CPNE4: variants seen among roughly 807,000 people sequenced by gnomAD.
CPNE4 encodes copine 4.
Under a neutral mutation model 67.9 loss-of-function variants are expected in CPNE4, and 25 were observed. The observed-to-expected ratio is 0.37, with a 90% CI of 0.27 to 0.51. The LOEUF is 0.51. Ranked by LOEUF, CPNE4 falls within the 20% of genes least tolerant of loss-of-function variation. The pLI, the probability that CPNE4 is intolerant of heterozygous loss-of-function variation, is 0.93. For missense variants in CPNE4, 464 were observed against 690.8 expected (o/e 0.67, Z 3.68); for synonymous variants, 242 against 244.9 (o/e 0.99, Z 0.11).
At chr3:131,781,808 A>G (rs2083437955) in intron 2 of CPNE4, among the ~76,000 whole-genome samples, 2 of 152,086 alleles carry the variant, frequency 1.3e-5, no homozygotes, top group African/African-American at 4.8e-5. Context: ...TTCCTTGAGT[A>G]AGTGGCTTCA....
chr3:131,730,004 C>G (rs1043118657), intron 2 of CPNE4, among the ~76,000 whole-genome samples: 11 of 152,188 alleles, frequency 7.2e-5, no homozygotes, highest in Non-Finnish European at 1.6e-4. Flanking sequence ...TCAAGCCTTA[C>G]CCTCATCAAC....
intron 14 of CPNE4, among the ~76,000 whole-genome samples, chr3:131,545,490 A>G (rs116494674): frequency 9.3e-4 from 142 of 152,318 alleles, no homozygotes; most frequent in Non-Finnish European, 1.8e-3. Context: ...TCAAATTAAT[A>G]TTAGTTCTAC....
intron 7 of CPNE4, among the ~76,000 whole-genome samples, chr3:131,653,399 C>T (rs759364074): frequency 1.3e-5 from 2 of 152,026 alleles, no homozygotes; most frequent in Non-Finnish European, 2.9e-5. Flanking sequence ...CTGCCCGCCT[C>T]GGCCTCCCAA....
intron 2 of CPNE4, among the ~76,000 whole-genome samples, chr3:131,814,356 C>T (rs1344886778): frequency 6.6e-6 from 1 of 151,976 alleles, no homozygotes; most frequent in Non-Finnish European, 1.5e-5. Context: ...GAAAACAGCA[C>T]TCTAGAGGGT....
intron 1 of CPNE4, among the ~76,000 whole-genome samples, chr3:132,007,286 A>T (rs1037010582): frequency 6.6e-6 from 1 of 152,146 alleles, no homozygotes; most frequent in African/African-American, 2.4e-5. Context: ...ATTTAGTTCA[A>T]AGATGAGACG....
At chr3:131,776,622 G>A (rs1336227158) in intron 2 of CPNE4, among the ~76,000 whole-genome samples, 2 of 152,150 alleles carry the variant, frequency 1.3e-5, no homozygotes, top group Non-Finnish European at 2.9e-5. Context: ...TAGCGATAAA[G>A]CAGATGACAA....
At chr3:131,997,926 C>G (rs2073336543) in intron 1 of CPNE4, among the ~76,000 whole-genome samples, 1 of 152,088 alleles carries the variant, frequency 6.6e-6, no homozygotes, top group Admixed American at 6.6e-5. Flanking sequence ...TTATAATTGC[C>G]TGCTTCCATG....
chr3:131,789,035 CAGAGAGAGAG>C (rs71136414), intron 2 of CPNE4, among the ~76,000 whole-genome samples: 2 of 137,404 alleles, frequency 1.5e-5, no homozygotes, highest in South Asian at 4.7e-4. Context: ...CACACACACA[CAGAGAGAGAG>C]AGAGAGAGAG....
intron 7 of CPNE4, among the ~76,000 whole-genome samples, chr3:131,618,535 C>T (rs1940288955): frequency 6.6e-6 from 1 of 152,100 alleles, no homozygotes; most frequent in Non-Finnish European, 1.5e-5. Context: ...AGTTTTCTAC[C>T]TGTATGTTCC....
At chr3:131,917,149 C>G (rs1342734572) in intron 1 of CPNE4, among the ~76,000 whole-genome samples, 1 of 152,154 alleles carries the variant, frequency 6.6e-6, no homozygotes, top group Non-Finnish European at 1.5e-5. Flanking sequence ...GAGGAAAGAC[C>G]TTGGGGACAA....
chr3:131,726,436 A>C (rs2082000844), intron 2 of CPNE4, among the ~76,000 whole-genome samples: 1 of 152,182 alleles, frequency 6.6e-6, no homozygotes, highest in Non-Finnish European at 1.5e-5. Flanking sequence ...ATAATCAGAA[A>C]GCCACTAAGA....
intron 6 of CPNE4, among the ~76,000 whole-genome samples, chr3:131,676,364 TTTTA>T (rs552816286): frequency 1.3e-3 from 196 of 152,156 alleles, no homozygotes; most frequent in African/African-American, 3.6e-3. Context: ...TGGCCCATTA[TTTTA>T]TTTATTTATT....
At chr3:131,554,871 A>G (rs761600803) in intron 12 of CPNE4, among the ~76,000 whole-genome samples, 53 of 152,098 alleles carry the variant, frequency 3.5e-4, no homozygotes, top group Non-Finnish European at 6.5e-4. Context: ...AATGTTCTAC[A>G]GGAGCATCTA....
At chr3:131,593,853 A>G (rs1176309233) in intron 7 of CPNE4, among the ~76,000 whole-genome samples, 2 of 152,098 alleles carry the variant, frequency 1.3e-5, no homozygotes, top group Non-Finnish European at 2.9e-5. Context: ...CTGGGACTAC[A>G]GGCGCACACC....
In CPNE4 at chr3:131,823,462, C is replaced by T. The variant is rs115354161; in HGVS notation, c.180+81802G>A. Among the ~76,000 whole-genome samples, 698 of 152,318 alleles carry T rather than the reference C, an allele frequency of 4.6e-3. 4 individuals carry two copies. Among genetic ancestry groups the T allele is most frequent in the Middle Eastern group, 0.017 (5 of 294 alleles). ...GAAATCAGCCTCTTGGAGACTGTCA[C>T]ATCCCATCACCACAAGTTGATGGGA... On this transcript the variant is annotated intron_variant, in intron 2 of 15. Coordinates refer to ENST00000429747, the MANE Select transcript of CPNE4 (RefSeq NM_130808.3).
intron 11 of CPNE4, among the ~76,000 whole-genome samples, chr3:131,558,091 C>CACTGCTATGTA (rs1936563293): frequency 6.6e-6 from 1 of 151,926 alleles, no homozygotes; most frequent in African/African-American, 2.4e-5. Context: ...GAGCATGATG[C>CACTGCTATGTA]ACTGCTATGT....
chr3:131,594,901 G>T (rs1174447371), intron 7 of CPNE4, among the ~76,000 whole-genome samples: 1 of 152,078 alleles, frequency 6.6e-6, no homozygotes, highest in Non-Finnish European at 1.5e-5. Flanking sequence ...ATAAGACTTG[G>T]ATAGGCATTT....
intron 10 of CPNE4, among the ~76,000 whole-genome samples, chr3:131,572,490 C>T (rs1354557269): frequency 6.6e-6 from 1 of 151,998 alleles, no homozygotes; most frequent in Non-Finnish European, 1.5e-5. Flanking sequence ...ATTCTTTGAT[C>T]TCTGATGGCT....
intron 2 of CPNE4, among the ~76,000 whole-genome samples, chr3:131,843,022 G>A (rs2085855867): frequency 6.6e-6 from 1 of 152,132 alleles, no homozygotes; most frequent in African/African-American, 2.4e-5. Context: ...ATTATGCAAG[G>A]GTACCTTGGG....
Sources: gnomAD v4.1 joint callset for allele counts (sites outside exome capture counted in the v4.1 genomes callset) on GRCh38, gnomAD v4.1.1 for gene constraint, MANE v1.5 for transcripts, NCBI Gene and HGNC (gene_info 2026-07-23, HGNC 2026-07-21) for gene names.